The following EYS variants were observed in gnomAD, a reference collection of about 807,000 sequenced individuals.
EYS encodes protein eyes shut homolog.
In EYS, 250 loss-of-function variants were observed where a neutral mutation model predicts 282.1. The observed-to-expected ratio is 0.89, with a 90% CI of 0.80 to 0.98. The LOEUF is 0.98. EYS is among the 50% of genes least tolerant of loss of function. EYS has a pLI of 0.00. For synonymous variants in EYS, 1,355 were observed against 1,282.9 expected (o/e 1.06, Z -1.20); for missense variants, 4,016 against 3,709.0 (o/e 1.08, Z -2.15).
intron 8 of EYS, among the ~76,000 whole-genome samples, chr6:65,366,782 T>C (rs536386914): frequency 6.6e-6 from 1 of 151,762 alleles, no homozygotes; most frequent in East Asian, 1.9e-4. Context: ...TGGATTCTTC[T>C]GCAGGTTCTG....
intron 26 of EYS, among the ~76,000 whole-genome samples, chr6:64,572,525 C>A (rs1765758797): frequency 6.6e-6 from 1 of 152,060 alleles, no homozygotes; most frequent in Non-Finnish European, 1.5e-5. Context: ...TTTAGAAAAC[C>A]CCATTGTCTC....
chr6:65,468,017 G>A (rs1269265855), intron 5 of EYS, among the ~76,000 whole-genome samples: 2 of 152,082 alleles, frequency 1.3e-5, no homozygotes, highest in African/African-American at 4.8e-5. Flanking sequence ...TGCCCTGTTT[G>A]CTCCTTTCCC....
At chr6:64,863,531 T>A (rs1167091716) in intron 19 of EYS, among the ~76,000 whole-genome samples, 1 of 152,230 alleles carries the variant, frequency 6.6e-6, no homozygotes, top group Non-Finnish European at 1.5e-5. Context: ...GTTTGCATAT[T>A]TTATTCCTTT....
chr6:64,864,978 G>A (rs1766380763), intron 19 of EYS, among the ~76,000 whole-genome samples: 1 of 152,042 alleles, frequency 6.6e-6, no homozygotes. Flanking sequence ...GTTGCAGTGA[G>A]CCTAGATAGC....
At chr6:65,053,677 A>C (rs1291069424) in intron 13 of EYS, among the ~76,000 whole-genome samples, 3 of 151,870 alleles carry the variant, frequency 2.0e-5, no homozygotes, top group African/African-American at 7.2e-5. Context: ...TAGGATTTGC[A>C]AGCAAAGAGA....
chr6:64,845,841 T>C (rs1391560620), intron 19 of EYS, among the ~76,000 whole-genome samples: 1 of 152,134 alleles, frequency 6.6e-6, no homozygotes. Context: ...CCTCCCTATG[T>C]AAATTACCCA....
At chr6:64,565,782 T>A (rs1343020134) in intron 26 of EYS, among the ~76,000 whole-genome samples, 1 of 152,112 alleles carries the variant, frequency 6.6e-6, no homozygotes, top group Non-Finnish European at 1.5e-5. Flanking sequence ...AATATGCATA[T>A]AAAAGGTAAC....
intron 12 of EYS, among the ~76,000 whole-genome samples, chr6:65,206,408 A>C (rs1214873769): frequency 6.6e-6 from 1 of 151,712 alleles, no homozygotes; most frequent in East Asian, 1.9e-4. Context: ...AAAAATTATA[A>C]AAATAAGCCC....
intron 2 of EYS, among the ~76,000 whole-genome samples, chr6:65,615,093 C>A (rs971621): frequency 0.082 from 12,555 of 152,200 alleles, 655 homozygotes; most frequent in South Asian, 0.15. Flanking sequence ...TTTCAAAAAT[C>A]TGAAAAATGT....
intron 29 of EYS, among the ~76,000 whole-genome samples, chr6:64,382,330 G>T (rs1429010406): frequency 1.3e-5 from 2 of 152,114 alleles, no homozygotes; most frequent in Non-Finnish European, 2.9e-5. Flanking sequence ...AATCATGAAT[G>T]TAAGTGTTAA....
At chr6:65,279,595 G>T (rs1768161061) in intron 12 of EYS, among the ~76,000 whole-genome samples, 1 of 151,874 alleles carries the variant, frequency 6.6e-6, no homozygotes, top group Admixed American at 6.6e-5. Context: ...ATAGTTGCAT[G>T]TCTGACAAGC....
At chr6:65,371,337 G>C (rs186994600) in intron 8 of EYS, among the ~76,000 whole-genome samples, 1 of 151,600 alleles carries the variant, frequency 6.6e-6, no homozygotes, top group African/African-American at 2.4e-5. Context: ...CATCCATGAA[G>C]TATCCAAGTG....
intron 11 of EYS, among the ~76,000 whole-genome samples, chr6:65,307,523 T>C (rs1171782190): frequency 5.8e-3 from 836 of 143,446 alleles, no homozygotes; most frequent in African/African-American, 0.021. Flanking sequence ...GTACCAGTTA[T>C]TCTATCACAT....
intron 24 of EYS, among the ~76,000 whole-genome samples, chr6:64,596,585 G>T (rs868376959): frequency 1.3e-5 from 2 of 152,106 alleles, no homozygotes; most frequent in Admixed American, 1.3e-4. Flanking sequence ...GCTGATTTTT[G>T]ATAGAGATAC....
intron 5 of EYS, among the ~76,000 whole-genome samples, chr6:65,453,138 G>A (rs1355608653): frequency 6.6e-6 from 1 of 151,920 alleles, no homozygotes; most frequent in East Asian, 1.9e-4. Flanking sequence ...TGGTATGTAT[G>A]GGCAGGTTTA....
intron 29 of EYS, among the ~76,000 whole-genome samples, chr6:64,310,343 C>A (rs141008446): frequency 1.1e-3 from 161 of 152,146 alleles, no homozygotes; most frequent in South Asian, 1.9e-3. Context: ...AAATACCCAG[C>A]AATAATAGAT....
chr6:63,827,024 T>G (rs1003705133), intron 36 of EYS, among the ~76,000 whole-genome samples: 1 of 152,218 alleles, frequency 6.6e-6, no homozygotes, highest in Non-Finnish European at 1.5e-5. Context: ...ATCTGCTGCC[T>G]GCAGGAGACT....
chr6:63,962,772 G>T (rs1322697348), intron 35 of EYS, among the ~76,000 whole-genome samples: 1 of 152,114 alleles, frequency 6.6e-6, no homozygotes, highest in African/African-American at 2.4e-5. Flanking sequence ...TATACCCAAA[G>T]GATTATAAAA....
intron 28 of EYS, among the ~76,000 whole-genome samples, chr6:64,413,651 T>A (rs1773978136): frequency 6.6e-6 from 1 of 151,072 alleles, no homozygotes; most frequent in Admixed American, 6.6e-5. Flanking sequence ...GGACAAAAGA[T>A]AAAAATATAG....
Sources: gnomAD v4.1 joint callset for allele counts (sites outside exome capture counted in the v4.1 genomes callset) on GRCh38, gnomAD v4.1.1 for gene constraint, MANE v1.5 for transcripts, NCBI Gene and HGNC (gene_info 2026-07-23, HGNC 2026-07-21) for gene names.